GNAI1: variants seen among roughly 807,000 people sequenced by gnomAD.
GNAI1 encodes G protein subunit alpha i1.
GNAI1 carries 11 observed loss-of-function variants against 38.9 expected under a neutral mutation model. The ratio of observed to expected loss-of-function variants is 0.28; its 90% CI spans 0.18 to 0.47. The LOEUF (loss-of-function observed/expected upper bound fraction) is 0.47. Ranked by LOEUF, GNAI1 falls within the 20% of genes least tolerant of loss-of-function variation. The probability of loss-of-function intolerance (pLI) is 0.99; values close to 1 mark genes in which losing one functional copy is unlikely to be tolerated. For synonymous variants in GNAI1, 166 were observed against 145.1 expected (o/e 1.14, Z -1.04); for missense variants, 317 against 436.9 (o/e 0.73, Z 2.45).
At chr7:80,194,257 C>G (rs1373269892) in intron 3 of GNAI1, among the ~76,000 whole-genome samples, 2 of 151,996 alleles carry the variant, frequency 1.3e-5, no homozygotes, top group Non-Finnish European at 2.9e-5. Context: ...ACAGTTTTCC[C>G]TGTCTATTGA....
intron 1 of GNAI1, among the ~76,000 whole-genome samples, chr7:80,179,912 T>C (rs568658744): frequency 0.012 from 1,807 of 152,244 alleles, 36 homozygotes; most frequent in African/African-American, 0.041. Context: ...ATATATTACC[T>C]TTATTATACT....
At chr7:80,177,827 G>A (rs980267238) in intron 1 of GNAI1, among the ~76,000 whole-genome samples, 1 of 152,138 alleles carries the variant, frequency 6.6e-6, no homozygotes, top group Non-Finnish European at 1.5e-5. Flanking sequence ...CTTATGATCA[G>A]GAAGTAATTT....
At chr7:80,190,418 G>T (rs1788461843) in intron 3 of GNAI1, among the ~76,000 whole-genome samples, 1 of 151,640 alleles carries the variant, frequency 6.6e-6, no homozygotes, top group African/African-American at 2.4e-5. Context: ...CAAACTTTTT[G>T]AGCTCAAAAA....
intron 1 of GNAI1, among the ~76,000 whole-genome samples, chr7:80,160,301 C>T (rs1787902321): frequency 6.6e-6 from 1 of 151,728 alleles, no homozygotes; most frequent in South Asian, 2.1e-4. Flanking sequence ...TTTTCTGGAC[C>T]TCATTTTGGT....
chr7:80,192,410 G>A (rs183969513), intron 3 of GNAI1, among the ~76,000 whole-genome samples: 10 of 152,100 alleles, frequency 6.6e-5, no homozygotes, highest in South Asian at 4.2e-4. Context: ...AGCCTATTCC[G>A]TCTATTCCTC....
At chr7:80,203,325 T>C (rs117096055) in intron 4 of GNAI1, among the ~76,000 whole-genome samples, 1 of 152,268 alleles carries the variant, frequency 6.6e-6, no homozygotes, top group Non-Finnish European at 1.5e-5. Context: ...GAATGATGTC[T>C]GGATCATAAA....
intron 1 of GNAI1, among the ~76,000 whole-genome samples, chr7:80,176,761 A>T (rs1179675700): frequency 6.6e-6 from 1 of 151,534 alleles, no homozygotes; most frequent in Admixed American, 6.6e-5. Flanking sequence ...ACATGGTGAA[A>T]CCCCCATCTC....
At position 80,219,396 on chromosome 7, in the gene GNAI1, A is replaced by T. The variant is rs973873534; in HGVS notation, c.*1903A>T. ...TAAATCCTAATAAATTTAAATTTTTAAAATTTTACAAACCTATTGGCTAAG... is the reference window on the plus strand; with the variant it reads ...TAAATCCTAATAAATTTAAATTTTTTAAATTTTACAAACCTATTGGCTAAG... On this transcript the variant is annotated 3_prime_UTR_variant, in exon 8 of 8. Coordinates refer to ENST00000649796, the MANE Select transcript of GNAI1 (RefSeq NM_002069.6). 2 of 152,618 alleles carry T rather than the reference A, an allele frequency of 1.3e-5. No homozygotes were observed. The highest frequency in any genetic ancestry group is 6.5e-5 in the Admixed American group (1 of 15,282). 9.5% of individuals were successfully genotyped at this position (152,618 alleles called of 1,614,324 possible). A position where few individuals can be genotyped will look rare whatever the true frequency, so the allele number is the denominator to read the frequency against.
chr7:80,173,737 TCTGGTGCTATAACTCATAG>T (rs1788135643), intron 1 of GNAI1, among the ~76,000 whole-genome samples: 1 of 152,134 alleles, frequency 6.6e-6, no homozygotes, highest in Non-Finnish European at 1.5e-5. Flanking sequence ...AAATGAAATA[TCTGGTGCTATAACTCATAG>T]CTTGCTTGGA....
intron 1 of GNAI1, among the ~76,000 whole-genome samples, chr7:80,166,641 C>A (rs1352648291): frequency 6.6e-6 from 1 of 152,140 alleles, no homozygotes; most frequent in Non-Finnish European, 1.5e-5. Flanking sequence ...TTTAACTCTA[C>A]ATGTGATAAT....
intron 6 of GNAI1, among the ~76,000 whole-genome samples, chr7:80,211,419 C>CTT (rs71076502): frequency 6.2e-4 from 86 of 138,806 alleles, no homozygotes; most frequent in Non-Finnish European, 8.1e-4. Context: ...TTTAGTAAAT[C>CTT]TTTTTTTTTT....
In GNAI1 at chr7:80,225,505, C is replaced by T. The variant is rs563230185; in HGVS notation, c.*8012C>T. 2.6e-5 allele frequency among the ~76,000 whole-genome samples: 4 copies of T among 152,000 alleles called. No homozygotes were observed. The South Asian group carries it at 8.3e-4, about 32-fold the overall frequency. ...TGTTTCAATTCCCCTAGCCAAATTC[C>T]TTTCTTTCTCCACACCTCCCACAGG... On this transcript the variant is annotated 3_prime_UTR_variant, in exon 8 of 8. Coordinates refer to ENST00000649796, the MANE Select transcript of GNAI1 (RefSeq NM_002069.6).
intron 1 of GNAI1, among the ~76,000 whole-genome samples, chr7:80,181,350 C>G (rs1331464761): frequency 6.6e-6 from 1 of 152,134 alleles, no homozygotes; most frequent in Non-Finnish European, 1.5e-5. Context: ...TAAACACAAA[C>G]TCAAATATAG....
intron 6 of GNAI1, among the ~76,000 whole-genome samples, 171 bp downstream of exon 6, chr7:80,211,269 A>G (rs1167820748): frequency 6.6e-6 from 1 of 152,204 alleles, no homozygotes; most frequent in African/African-American, 2.4e-5. Context: ...CTTGAGGAAA[A>G]GGAAAACATG....
intron 1 of GNAI1, among the ~76,000 whole-genome samples, chr7:80,172,118 T>C (rs1217296031): frequency 6.6e-6 from 1 of 152,194 alleles, no homozygotes; most frequent in Non-Finnish European, 1.5e-5. Flanking sequence ...TAACTTTGAC[T>C]AGATTTCTTA....
chr7:80,150,972 G>C (rs1400907567), intron 1 of GNAI1, among the ~76,000 whole-genome samples: 1 of 152,108 alleles, frequency 6.6e-6, no homozygotes, highest in East Asian at 1.9e-4. Flanking sequence ...AGCTTTGATG[G>C]TATCAGTAAC....
chr7:80,185,454 A>G (rs1329338684), intron 1 of GNAI1, among the ~76,000 whole-genome samples: 2 of 152,162 alleles, frequency 1.3e-5, no homozygotes, highest in Non-Finnish European at 2.9e-5. Context: ...CCCTCACAGA[A>G]GAACCGAATC....
At chr7:80,192,206 C>T (rs1788493614) in intron 3 of GNAI1, among the ~76,000 whole-genome samples, 1 of 152,034 alleles carries the variant, frequency 6.6e-6, no homozygotes, top group African/African-American at 2.4e-5. Flanking sequence ...TGTTTTGTTT[C>T]TTATTAGAAT....
Position 80,202,415 on chromosome 7 carries a change from C to G in GNAI1, c.462-1289C>G, listed in dbSNP as rs577498188. On this transcript the variant is annotated intron_variant, in intron 4 of 7. Transcript: ENST00000649796. ...CTGTAACGGTTTTAAGCAAAGAAAT[C>G]TGTGAGTAATCAAAGAACATTTTAA... Among the ~76,000 whole-genome samples the G allele has an allele frequency of 1.4e-3, 207 of 152,240 alleles. 1 individual carries two copies. Among genetic ancestry groups the G allele is most frequent in the African/African-American group, 4.8e-3 (201 of 41,548 alleles).
Sources: gnomAD v4.1 joint callset for allele counts (sites outside exome capture counted in the v4.1 genomes callset) on GRCh38, gnomAD v4.1.1 for gene constraint, MANE v1.5 for transcripts, NCBI Gene and HGNC (gene_info 2026-07-23, HGNC 2026-07-21) for gene names.